EPPIN: variants seen among roughly 807,000 people sequenced by gnomAD.
The protein encoded by EPPIN is WAP four-disulfide core domain protein 7.
Under a neutral mutation model 18.8 loss-of-function variants are expected in EPPIN, and 14 were observed. The ratio of observed to expected loss-of-function variants is 0.75; its 90% CI spans 0.49 to 1.17. The LOEUF (loss-of-function observed/expected upper bound fraction) is 1.17, where lower values mean the gene tolerates loss of function less well. Ranked by LOEUF, EPPIN falls within the 50% of genes most tolerant of loss-of-function variation. The pLI, the probability that EPPIN is intolerant of heterozygous loss-of-function variation, is 0.00. For missense variants in EPPIN, 143 were observed against 154.2 expected, an observed-to-expected ratio of 0.93 and a Z score of 0.39; for synonymous variants, 57 against 54.8, an observed-to-expected ratio of 1.04 and a Z score of -0.18.
At chr20:45,543,462 A>C (rs140667143) in intron 2 of EPPIN, 3 of 152,390 alleles carry the variant, frequency 2.0e-5, no homozygotes, top group African/African-American at 7.2e-5. Context: ...GTCCCAACTA[A>C]ATAATGCTTA....
In EPPIN at chr20:45,542,725, G is replaced by C. The variant is rs1979651346; in HGVS notation, c.366C>G (p.Asn122Lys). The change falls in exon 3 of 4, where the codon AAC (asparagine) becomes AAG (lysine). Residue 122 changes from asparagine (N) to lysine (K), a missense_variant. Transcript: ENST00000354280. ...GNNNNFQSKA[N>K]CLNTCKNKRF... Reference sequence around the variant, plus strand: ...GTTTATTCTTGCAGGTGTTCAGGCAGTTGGCTTTGGATTGGAAGTTGTTAT... The same window carrying C: ...GTTTATTCTTGCAGGTGTTCAGGCACTTGGCTTTGGATTGGAAGTTGTTAT... 2 of 1,613,950 alleles carry C rather than the reference G, an allele frequency of 1.2e-6. No individual in the cohort carries two copies. Among genetic ancestry groups the C allele is most frequent in the Non-Finnish European group, 1.7e-6 (2 of 1,179,850 alleles).
chr20:45,547,243 G>A, intron 1 of EPPIN, 24 bp downstream of exon 1: 1 of 1,613,650 alleles, frequency 6.2e-7, no homozygotes. Context: ...TCTCTCTAGG[G>A]TAAGGGCTGA....
intron 2 of EPPIN, 161 bp from the exon 3 acceptor site, chr20:45,543,028 G>A: frequency 8.7e-7 from 1 of 1,145,022 alleles, no homozygotes; most frequent in South Asian, 1.9e-5. Context: ...GCACACATTT[G>A]CAAGGAGACC....
Position 45,541,581 on chromosome 20 carries a change from C to G in EPPIN, c.*563G>C, listed in dbSNP as rs1475123407. On this transcript the variant is annotated 3_prime_UTR_variant, in exon 4 of 4. Transcript: ENST00000354280. ...CTGGGAAATCTCTCAAACAAACTAC[C>G]TGCACCCATGCCCTTTTCCCAGGGT... 1 of 153,028 alleles carries G rather than the reference C, an allele frequency of 6.5e-6. No individual in the cohort carries two copies. Among genetic ancestry groups the G allele is most frequent in the Non-Finnish European group, 1.5e-5 (1 of 68,652 alleles). 9.5% of individuals were successfully genotyped at this position (153,028 alleles called of 1,614,324 possible).
chr20:45,546,124 C>T (rs1194343843), intron 1 of EPPIN: 1 of 342,590 alleles, frequency 2.9e-6, no homozygotes, highest in East Asian at 4.3e-5. Context: ...TCCAGTAGCA[C>T]CCCTGATTGT....
intron 3 of EPPIN, chr20:45,542,461 T>A: frequency 1.5e-6 from 1 of 647,726 alleles, no homozygotes; most frequent in Middle Eastern, 4.2e-4. Flanking sequence ...CCCCTCCTAA[T>A]TCCCCTCATA....
At chr20:45,542,283 TC>T in intron 3 of EPPIN, 129 bp from the exon 4 acceptor site, 1 of 1,194,290 alleles carries the variant, frequency 8.4e-7, no homozygotes, top group Non-Finnish European at 1.2e-6. Context: ...TGGGGAGCTC[TC>T]CATCTCCTTC....
intron 1 of EPPIN, chr20:45,546,089 C>A (rs1048071202): frequency 4.7e-6 from 2 of 427,924 alleles, no homozygotes; most frequent in African/African-American, 4.0e-5. Context: ...TGTTTAGCAG[C>A]ATCCCAGGCC....
At chr20:45,542,265 G>C in intron 3 of EPPIN, 111 bp from the exon 4 acceptor site, 2 of 1,449,020 alleles carry the variant, frequency 1.4e-6, no homozygotes, top group Non-Finnish European at 1.9e-6. Context: ...AAAGTAGTGG[G>C]TTTGCTTTGG....
chr20:45,545,553 C>G (rs768112471), intron 2 of EPPIN, 86 bp downstream of exon 2: 12 of 1,596,464 alleles, frequency 7.5e-6, no homozygotes, highest in Non-Finnish European at 1.0e-5. Context: ...CAGCCCTCAG[C>G]GATCAGGGCA....
At chr20:45,542,654 G>A (rs2231841) in intron 3 of EPPIN, 46 bp downstream of exon 3, 27,303 of 1,586,880 alleles carry the variant, frequency 0.017, 1,218 homozygotes, top group African/African-American at 0.13. Flanking sequence ...CAGACCTCCC[G>A]GCATGGGACT....
At chr20:45,547,229 C>T in intron 1 of EPPIN, 38 bp downstream of exon 1, 9 of 1,612,796 alleles carry the variant, frequency 5.6e-6, no homozygotes, top group Non-Finnish European at 6.8e-6. Flanking sequence ...CCAGCAAACT[C>T]CCCTCTCTCT....
rs892224913 is a variant in EPPIN, at chr20:45,545,412, A to T, written c.223+227T>A. The T allele has an allele frequency of 1.1e-4, 66 of 596,892 alleles. No individual in the cohort carries two copies. The African/African-American group carries it at 1.1e-3, about 10-fold the overall frequency. The allele number at this position is 596,892 out of a possible 1,614,324, so 37.0% of individuals were successfully genotyped here. A position where few individuals can be genotyped will look rare whatever the true frequency, so the allele number is the denominator to read the frequency against. ...ATTCAATGCCACTGATTCACCAATGATTTGTTCTGGGAAACTGAGTCTCAG... is the reference window on the plus strand; with the variant it reads ...ATTCAATGCCACTGATTCACCAATGTTTTGTTCTGGGAAACTGAGTCTCAG... On this transcript the variant is annotated intron_variant, in intron 2 of 3. Transcript: ENST00000354280.
chr20:45,544,459 G>A (rs1979733883), intron 2 of EPPIN: 1 of 152,124 alleles, frequency 6.6e-6, no homozygotes, highest in South Asian at 2.1e-4. Context: ...AAGACAAAAA[G>A]GCTCGTAAAA....
At chr20:45,545,803 T>C in intron 1 of EPPIN, 33 bp from the exon 2 acceptor site, 1 of 1,610,524 alleles carries the variant, frequency 6.2e-7, no homozygotes, top group Non-Finnish European at 8.5e-7. Flanking sequence ...CCCGTGTGCC[T>C]TAGAGAGCAT....
At position 45,547,308 on chromosome 20, in the gene EPPIN, G is replaced by T. The variant is rs746956323; in HGVS notation, c.50C>A (p.Ala17Glu). ...AGTCAGACCAGGTCCCTGGACATTCGCTAAGAGGACGAATAGCACCAGGAG... is the reference window on the plus strand; with the variant it reads ...AGTCAGACCAGGTCCCTGGACATTCTCTAAGAGGACGAATAGCACCAGGAG... ...LSLLVLFVLL[A>E]NVQGPGLTDW... The change falls in exon 1 of 4, where the codon GCG becomes GAG. Residue 17 changes from alanine (A) to glutamate (E), a missense_variant. Physicochemically the swap from Ala to Glu is moderately radical, Grantham distance 107. Coordinates refer to ENST00000354280, the MANE Select transcript of EPPIN (RefSeq NM_020398.4). The T allele has an allele frequency of 1.2e-6, 2 of 1,613,794 alleles. No individual in the cohort carries two copies. Among genetic ancestry groups the T allele is most frequent in the Non-Finnish European group, 1.7e-6 (2 of 1,179,908 alleles).
chr20:45,541,798 G>T lies in EPPIN; in HGVS notation c.*346C>A, dbSNP rs1222252667. The T allele has an allele frequency of 1.2e-5, 3 of 247,446 alleles. No individual in the cohort carries two copies. Among genetic ancestry groups the T allele is most frequent in the Non-Finnish European group, 2.3e-5 (3 of 127,954 alleles). The allele number at this position is 247,446 out of a possible 1,614,324, so 15.3% of individuals were successfully genotyped here. A position where few individuals can be genotyped will look rare whatever the true frequency, so the allele number is the denominator to read the frequency against. On this transcript the variant is annotated 3_prime_UTR_variant, in exon 4 of 4. Coordinates refer to ENST00000354280, the MANE Select transcript of EPPIN (RefSeq NM_020398.4). ...CCTCAATGATCCCTTACTCTGCAAAGTGTAATGTGCCAAAAAGATGTCAAT... is the reference window on the plus strand; with the variant it reads ...CCTCAATGATCCCTTACTCTGCAAATTGTAATGTGCCAAAAAGATGTCAAT...
intron 3 of EPPIN, 52 bp downstream of exon 3, chr20:45,542,648 C>A (rs1192518056): frequency 6.3e-7 from 1 of 1,581,268 alleles, no homozygotes; most frequent in Non-Finnish European, 8.6e-7. Context: ...AACACCCAGA[C>A]CTCCCGGCAT....
chr20:45,545,663 T>C lies in EPPIN; in HGVS notation c.199A>G (p.Lys67Glu). 2 of 1,614,094 alleles carry C rather than the reference T, an allele frequency of 1.2e-6. No individual in the cohort carries two copies. Among genetic ancestry groups the C allele is most frequent in the East Asian group, 4.5e-5 (2 of 44,888 alleles). Residue 67 changes from lysine to glutamate, a missense_variant, in exon 2 of 4, where the codon AAA becomes GAA. Transcript: ENST00000354280. ...NKKCCVFSCG[K>E]KCLDLKQDVC... ...CCTTGTTTGAGATCTAAACATTTTT[T>C]TCCGCAGCTGAAGACACAACACTTC...
Sources: gnomAD v4.1 joint callset for allele counts on GRCh38, gnomAD v4.1.1 for gene constraint, MANE v1.5 for transcripts, NCBI Gene and HGNC (gene_info 2026-07-23, HGNC 2026-07-21) for gene names.